The following PKD1L1 variants were observed in gnomAD, a reference collection of about 807,000 sequenced individuals.
PKD1L1 encodes the protein polycystin 1 like 1, transient receptor potential channel interacting, also known as polycystin-1-like protein 1.
In PKD1L1, 236 loss-of-function variants were observed where a neutral mutation model predicts 323.4. That is an observed-to-expected ratio of 0.73 (90% CI 0.66 to 0.81). PKD1L1 has a LOEUF of 0.81. Ranked by LOEUF, PKD1L1 falls within the 40% of genes least tolerant of loss-of-function variation. The pLI is 0.00. For missense variants in PKD1L1, 3,320 were observed against 3,508.0 expected (o/e 0.95, Z 1.35); for synonymous variants, 1,344 against 1,335.0 (o/e 1.01, Z -0.15).
intron 16 of PKD1L1, among the ~76,000 whole-genome samples, chr7:47,890,321 T>C (rs1296796702): frequency 2.0e-5 from 3 of 152,252 alleles, no homozygotes; most frequent in African/African-American, 4.8e-5. Flanking sequence ...CTTTAGCTAG[T>C]GTGCTTGGCT....
Position 47,893,908 on chromosome 7 carries a change from A to T in PKD1L1, c.2423T>A (p.Phe808Tyr), listed in dbSNP as rs1179640075. ...SPIVLRGTQS[F>Y]DPDDPGATLR... is the part of the protein sequence containing the mutation. ...AGTCGCCCCAGGGTCGTCAGGGTCG[A>T]AGGACTGGGTCCCTCTGAGGACAAT... The change falls in exon 15 of 57, where the codon TTC (phenylalanine) becomes TAC (tyrosine). Residue 808 changes from phenylalanine (F) to tyrosine (Y), a missense_variant. Coordinates refer to ENST00000289672, the MANE Select transcript of PKD1L1 (RefSeq NM_138295.5). 5 of 1,613,846 alleles carry T rather than the reference A, an allele frequency of 3.1e-6. No homozygotes were observed. Among genetic ancestry groups the T allele is most frequent in the Non-Finnish European group, 3.4e-6 (4 of 1,180,018 alleles).
At chr7:47,880,641 G>T in intron 21 of PKD1L1, 87 bp downstream of exon 21, 1 of 1,036,774 alleles carries the variant, frequency 9.6e-7, no homozygotes, top group Non-Finnish European at 1.4e-6. Flanking sequence ...ATGTAGACCT[G>T]CACCCCATTC....
In PKD1L1 at chr7:47,821,109, G is replaced by C. The variant is rs780642246; in HGVS notation, c.6932C>G (p.Ser2311Cys). 4.4e-6 allele frequency: 7 copies of C among 1,605,114 alleles called. No homozygotes were observed. The highest frequency in any genetic ancestry group is 6.0e-6 in the Non-Finnish European group (7 of 1,171,946). The part of the protein sequence containing the change: ...IYGRFSQDEY[S>C]LNQAIRKEFT... ...TTCTTTCCGGATAGCTTGATTGAGGGAGTATTCATCTTGGGAAAATCTCCC... is the reference window on the plus strand; with the variant it reads ...TTCTTTCCGGATAGCTTGATTGAGGCAGTATTCATCTTGGGAAAATCTCCC... The change falls in exon 46 of 57, where the codon TCC becomes TGC. Residue 2311 changes from serine to cysteine, a missense_variant. By Grantham distance (112) the Ser-to-Cys change is moderately radical. Coordinates refer to ENST00000289672, the MANE Select transcript of PKD1L1 (RefSeq NM_138295.5).
Position 47,827,350 on chromosome 7 carries a change from C to T in PKD1L1, c.6854G>A (p.Arg2285Lys). 3 of 1,609,358 alleles carry T rather than the reference C, an allele frequency of 1.9e-6. No individual in the cohort carries two copies. Among genetic ancestry groups the T allele is most frequent in the Non-Finnish European group, 2.5e-6 (3 of 1,177,968 alleles). ...RRESRTRAALRDISMDILMLL... is the reference protein window; with the variant it reads ...RRESRTRAALKDISMDILMLL... ...CCTCCCGACAGAAGCCGCCACCCACCTCAGGGCAGCCCGTGTGCGACTCTC... is the reference window on the plus strand; with the variant it reads ...CCTCCCGACAGAAGCCGCCACCCACTTCAGGGCAGCCCGTGTGCGACTCTC... The change falls in exon 45 of 57, where the codon AGA (arginine) becomes AAA (lysine). Residue 2285 changes from arginine (R) to lysine (K), a missense_variant and splice_region_variant. Transcript: ENST00000289672.
At chr7:47,882,878 G>A (rs1786594864) in intron 19 of PKD1L1, among the ~76,000 whole-genome samples, 1 of 152,162 alleles carries the variant, frequency 6.6e-6, no homozygotes, top group African/African-American at 2.4e-5. Flanking sequence ...TGAGATGACT[G>A]CAGGCAGCAA....
At position 47,873,948 on chromosome 7, in the gene PKD1L1, C is replaced by T; in HGVS notation, c.3847G>A (p.Val1283Met). Reference protein sequence around the residue: ...GSKVQPCTVVVTVLPRYHGND... With the variant: ...GSKVQPCTVVMTVLPRYHGND... ...CCATGGTAGCGGGGCAGCACAGTCA[C>T]CACCACAGTGCACGGCTGGACCTTG... Residue 1283 changes from valine to methionine, a missense_variant, in exon 24 of 57, where the codon GTG (valine) becomes ATG (methionine). Transcript: ENST00000289672. 6.2e-7 allele frequency: 1 copy of T among 1,614,102 alleles called. No homozygotes were observed. Among genetic ancestry groups the T allele is most frequent in the East Asian group, 2.2e-5 (1 of 44,872 alleles).
At chr7:47,897,925 C>T (rs543910752) in intron 14 of PKD1L1, 63 bp downstream of exon 14, 153 of 1,364,774 alleles carry the variant, frequency 1.1e-4, no homozygotes, top group Non-Finnish European at 1.5e-4. Flanking sequence ...TGAGCTCTTG[C>T]TCCAGGGCGA....
chr7:47,780,335 T>A (rs1198740738), intron 56 of PKD1L1, among the ~76,000 whole-genome samples: 2 of 152,130 alleles, frequency 1.3e-5, no homozygotes, highest in Non-Finnish European at 2.9e-5. Flanking sequence ...CTTGTCATTT[T>A]AAGAATGTTA....
At chr7:47,854,420 C>G (rs1785851803) in intron 30 of PKD1L1, among the ~76,000 whole-genome samples, 1 of 152,124 alleles carries the variant, frequency 6.6e-6, no homozygotes, top group Admixed American at 6.5e-5. Context: ...TTTCAATAGT[C>G]ACTTACCTTC....
At chr7:47,906,934 A>T (rs1305552270) in intron 9 of PKD1L1, among the ~76,000 whole-genome samples, 1 of 152,240 alleles carries the variant, frequency 6.6e-6, no homozygotes, top group Non-Finnish European at 1.5e-5. Context: ...TTGCACAAGA[A>T]TACCCTATTA....
rs1441443808 is a variant in PKD1L1, at chr7:47,839,694, G to A, written c.5553-32C>T. 1.3e-6 allele frequency: 2 copies of A among 1,544,008 alleles called. No homozygotes were observed. The highest frequency in any genetic ancestry group is 2.4e-5 in the South Asian group (2 of 83,370). On this transcript the variant is annotated intron_variant, in intron 35 of 56. Transcript: ENST00000289672. This position sits in a 1 kb window ranked among gnomAD's most constrained non-coding sequence, Gnocchi z 4.3. ...GCACACACAGCAGCATCTCAGCCGG[G>A]TGGGTGACAGTGTGGTCCTGGCATC...
chr7:47,917,058 T>C (rs1049976615), intron 7 of PKD1L1, among the ~76,000 whole-genome samples: 1 of 152,032 alleles, frequency 6.6e-6, no homozygotes, highest in Non-Finnish European at 1.5e-5. Context: ...CAAAGCCCAG[T>C]GTAAGGAAAT....
At chr7:47,834,317 C>G in intron 40 of PKD1L1, 22 bp downstream of exon 40, 1 of 1,609,502 alleles carries the variant, frequency 6.2e-7, no homozygotes, top group South Asian at 1.1e-5. Context: ...AGATTAGCTG[C>G]TGCGCATAAT....
intron 24 of PKD1L1, among the ~76,000 whole-genome samples, chr7:47,873,518 A>ATG (rs1388533394): frequency 1.3e-5 from 2 of 151,222 alleles, no homozygotes; most frequent in African/African-American, 4.9e-5. Flanking sequence ...TTGGTGGCGC[A>ATG]CACCTGTAAT....
intron 21 of PKD1L1, among the ~76,000 whole-genome samples, chr7:47,879,901 C>A (rs1583642602): frequency 6.7e-6 from 1 of 150,140 alleles, no homozygotes; most frequent in African/African-American, 2.5e-5. Flanking sequence ...CCACTGCACT[C>A]TAGCCTGGGC....
intron 26 of PKD1L1, among the ~76,000 whole-genome samples, chr7:47,863,857 T>C (rs1411067751): frequency 6.6e-6 from 1 of 151,972 alleles, no homozygotes. Context: ...CCTTGTCTCT[T>C]AAAAAAACAC....
At position 47,821,193 on chromosome 7, in the gene PKD1L1, G is replaced by T; in HGVS notation, c.6855-7C>A. Reference sequence around the variant, plus strand: ...GATGTCCATGGAAATGTCTCTGTAAGAAGAGTTTTTAAGTTAGCATCCATA... The same window carrying T: ...GATGTCCATGGAAATGTCTCTGTAATAAGAGTTTTTAAGTTAGCATCCATA... On this transcript the variant is annotated splice_polypyrimidine_tract_variant and splice_region_variant and intron_variant, in intron 45 of 56. Coordinates refer to ENST00000289672, the MANE Select transcript of PKD1L1 (RefSeq NM_138295.5). The T allele has an allele frequency of 6.3e-7, 1 of 1,579,884 alleles. No individual in the cohort carries two copies. The highest frequency in any genetic ancestry group is 8.7e-7 in the Non-Finnish European group (1 of 1,149,756).
At position 47,840,596 on chromosome 7, in the gene PKD1L1, C is replaced by T; in HGVS notation, c.5446-29G>A. 6.5e-7 allele frequency: 1 copy of T among 1,540,630 alleles called. No homozygotes were observed. Among genetic ancestry groups the T allele is most frequent in the Non-Finnish European group, 9.0e-7 (1 of 1,114,478 alleles). On this transcript the variant is annotated intron_variant, in intron 34 of 56. Coordinates refer to ENST00000289672, the MANE Select transcript of PKD1L1 (RefSeq NM_138295.5). This position sits in a 1 kb window ranked among gnomAD's most constrained non-coding sequence, Gnocchi z 4.1. ...AAAACAAAGAACAGGGGTGGGAACT[C>T]AGGCTATTTCACAGCAGACACCATG...
chr7:47,959,615 C>T, the PKD1L1 span, among the ~76,000 whole-genome samples: 4 of 107,302 alleles, frequency 3.7e-5, no homozygotes, highest in African/African-American at 1.2e-4. Flanking sequence ...GTGAGGAGCC[C>T]CTCCGCCCGG....
Sources: gnomAD v4.1 joint callset for allele counts (sites outside exome capture counted in the v4.1 genomes callset) on GRCh38, gnomAD v4.1.1 for gene constraint, Gnocchi (gnomAD v3.1) non-coding constraint, MANE v1.5 for transcripts, NCBI Gene and HGNC (gene_info 2026-07-23, HGNC 2026-07-21) for gene names.